Variants in SHISA9 observed in about 807,000 individuals in gnomAD.
SHISA9 encodes protein shisa-9.
SHISA9 carries 13 observed loss-of-function variants against 38.0 expected under a neutral mutation model. That is an observed-to-expected ratio of 0.34 (90% CI 0.22 to 0.54). The LOEUF (loss-of-function observed/expected upper bound fraction) is 0.54, where lower values mean the gene tolerates loss of function less well. SHISA9 is among the 20% of genes least tolerant of loss of function. The probability of loss-of-function intolerance (pLI) is 0.91; values close to 1 mark genes in which losing one functional copy is unlikely to be tolerated. For synonymous variants in SHISA9, 275 were observed against 242.0 expected, an observed-to-expected ratio of 1.14 and a Z score of -1.27; for missense variants, 538 against 575.8, an observed-to-expected ratio of 0.93 and a Z score of 0.67.
intron 2 of SHISA9, among the ~76,000 whole-genome samples, chr16:13,157,075 C>T (rs1431864394): frequency 6.6e-6 from 1 of 152,116 alleles, no homozygotes; most frequent in Non-Finnish European, 1.5e-5. Flanking sequence ...TTCTTGGTTC[C>T]AAATGGCTCT....
the SHISA9 span, among the ~76,000 whole-genome samples, chr16:13,548,496 C>G: frequency 1.3e-5 from 2 of 152,224 alleles, no homozygotes; most frequent in African/African-American, 4.8e-5. Flanking sequence ...ATAAGGAACT[C>G]AAACACCTCA....
the SHISA9 span, among the ~76,000 whole-genome samples, chr16:13,441,325 A>C: frequency 6.6e-6 from 1 of 152,202 alleles, no homozygotes; most frequent in East Asian, 1.9e-4. Context: ...CCAAATCCCA[A>C]GAATGGAAAT....
intron 2 of SHISA9, among the ~76,000 whole-genome samples, chr16:13,006,018 G>A (rs1158672934): frequency 6.6e-6 from 1 of 152,182 alleles, no homozygotes; most frequent in Non-Finnish European, 1.5e-5. Context: ...AAAGGCATGT[G>A]TGTCCCTGCA....
At chr16:12,956,347 A>G (rs948705703) in intron 2 of SHISA9, among the ~76,000 whole-genome samples, 9 of 152,232 alleles carry the variant, frequency 5.9e-5, no homozygotes, top group African/African-American at 2.2e-4. Flanking sequence ...TAAAAATAGA[A>G]CTACCATTTG....
At chr16:12,964,069 TA>T (rs2071946636) in intron 2 of SHISA9, among the ~76,000 whole-genome samples, 2 of 152,198 alleles carry the variant, frequency 1.3e-5, no homozygotes, top group African/African-American at 4.8e-5. Flanking sequence ...TGGTTTTCAT[TA>T]GAACAAATTG....
At chr16:13,288,445 G>A in the SHISA9 span, among the ~76,000 whole-genome samples, 5 of 151,854 alleles carry the variant, frequency 3.3e-5, no homozygotes, top group Admixed American at 6.6e-5. Flanking sequence ...GAGAGAGAGA[G>A]AAAAAGGGAG....
intron 2 of SHISA9, among the ~76,000 whole-genome samples, chr16:12,924,329 T>C (rs973350286): frequency 3.3e-5 from 5 of 152,188 alleles, no homozygotes; most frequent in Non-Finnish European, 5.9e-5. Flanking sequence ...CTGTATTCAA[T>C]AAATAGTTAT....
At chr16:13,341,581 C>T in the SHISA9 span, among the ~76,000 whole-genome samples, 2,225 of 152,256 alleles carry the variant, frequency 0.015, 62 homozygotes, top group African/African-American at 0.051. Flanking sequence ...TCTACTCTGA[C>T]GCAGCAGACA....
At chr16:13,092,716 G>C (rs549741815) in intron 2 of SHISA9, among the ~76,000 whole-genome samples, 2 of 152,316 alleles carry the variant, frequency 1.3e-5, no homozygotes, top group East Asian at 3.9e-4. Context: ...CGTTTTTCCA[G>C]GTAGTCTGTT....
chr16:13,191,494 C>T (rs565149672), intron 2 of SHISA9, among the ~76,000 whole-genome samples: 101 of 152,054 alleles, frequency 6.6e-4, no homozygotes, highest in African/African-American at 2.3e-3. Flanking sequence ...TGTTTCAGTG[C>T]GTTGCTAAGC....
chr16:12,928,455 T>C (rs770546689), intron 2 of SHISA9, among the ~76,000 whole-genome samples: 2 of 152,282 alleles, frequency 1.3e-5, no homozygotes, highest in East Asian at 1.9e-4. Context: ...ACCATGAAAC[T>C]TGTCTGGTTA....
At chr16:13,171,689 G>A (rs986540637) in intron 2 of SHISA9, among the ~76,000 whole-genome samples, 1 of 152,044 alleles carries the variant, frequency 6.6e-6, no homozygotes, top group Admixed American at 6.6e-5. Flanking sequence ...AAAAAAGTGG[G>A]GAGTGACATG....
the SHISA9 span, among the ~76,000 whole-genome samples, chr16:13,514,795 A>C: frequency 3.9e-5 from 6 of 152,200 alleles, no homozygotes; most frequent in Admixed American, 1.3e-4. Context: ...AAACCCATTG[A>C]TCCAAGAAAA....
the SHISA9 span, among the ~76,000 whole-genome samples, chr16:13,495,634 C>T: frequency 1.9e-3 from 286 of 151,836 alleles, no homozygotes; most frequent in African/African-American, 6.4e-3. Context: ...AAGAACTTAT[C>T]ATTTCTGATT....
intron 2 of SHISA9, among the ~76,000 whole-genome samples, chr16:13,074,114 C>G (rs191280724): frequency 3.3e-5 from 5 of 152,032 alleles, no homozygotes; most frequent in Non-Finnish European, 2.9e-5. Context: ...GAATTACAGG[C>G]GCCCGCCATC....
At chr16:12,998,584 C>A (rs936735367) in intron 2 of SHISA9, among the ~76,000 whole-genome samples, 1 of 152,148 alleles carries the variant, frequency 6.6e-6, no homozygotes, top group Non-Finnish European at 1.5e-5. Context: ...GGCTGGAGTG[C>A]AGTGGTGCGA....
the SHISA9 span, among the ~76,000 whole-genome samples, chr16:13,456,976 A>C: frequency 6.6e-6 from 1 of 152,234 alleles, no homozygotes; most frequent in Non-Finnish European, 1.5e-5. Flanking sequence ...GGCTAATGTT[A>C]ATCTGTATTC....
the SHISA9 span, among the ~76,000 whole-genome samples, chr16:13,259,300 A>C: frequency 3.3e-5 from 5 of 152,228 alleles, no homozygotes; most frequent in African/African-American, 9.6e-5. Flanking sequence ...GGTCTTGGGC[A>C]GCTTTGCCCC....
intron 2 of SHISA9, among the ~76,000 whole-genome samples, chr16:13,049,817 T>C (rs2073230118): frequency 6.6e-6 from 1 of 151,930 alleles, no homozygotes; most frequent in Non-Finnish European, 1.5e-5. Flanking sequence ...CCTCCTGAAA[T>C]GCTCAAACTT....
Sources: allele counts gnomAD v4.1 joint callset (sites outside exome capture counted in the v4.1 genomes callset), GRCh38; gene constraint gnomAD v4.1.1; transcripts MANE v1.5; gene names NCBI Gene and HGNC (gene_info 2026-07-23, HGNC 2026-07-21).